Variants in SCIN observed in about 807,000 individuals in gnomAD.
The protein encoded by SCIN is scinderin.
Under a neutral mutation model 91.8 loss-of-function variants are expected in SCIN, and 91 were observed. The ratio of observed to expected loss-of-function variants is 0.99; its 90% CI spans 0.84 to 1.18. The LOEUF (loss-of-function observed/expected upper bound fraction) is 1.18. SCIN is among the 50% of genes most tolerant of loss of function. The pLI, the probability that SCIN is intolerant of heterozygous loss-of-function variation, is 0.00. For synonymous variants in SCIN, 367 were observed against 312.6 expected (o/e 1.17, Z -1.84); for missense variants, 1,087 against 863.9 (o/e 1.26, Z -3.24).
intron 15 of SCIN, 67 bp from the exon 16 acceptor site, chr7:12,652,521 T>C: frequency 7.1e-7 from 1 of 1,414,544 alleles, no homozygotes; most frequent in Non-Finnish European, 9.7e-7. Flanking sequence ...CGAAGAATTT[T>C]CAATCTGCAG....
At chr7:12,645,797 A>G (rs1232914923) in intron 13 of SCIN, among the ~76,000 whole-genome samples, 2 of 152,220 alleles carry the variant, frequency 1.3e-5, no homozygotes, top group East Asian at 3.8e-4. Flanking sequence ...GATATAATTA[A>G]TGTGAAAGCA....
rs1248760200 is a variant in SCIN, at chr7:12,653,395, T to C, written c.*680T>C. 1.3e-5 allele frequency: 2 copies of C among 152,226 alleles called. No individual in the cohort carries two copies. Among genetic ancestry groups the C allele is most frequent in the African/African-American group, 2.4e-5 (1 of 41,458 alleles). 9.4% of individuals were successfully genotyped at this position (152,226 alleles called of 1,614,324 possible). ...TTTTAACATGCCAGAGAAAAAGTTG[T>C]AATGCCTTGGAAGTTATTCTCTTTT... On this transcript the variant is annotated 3_prime_UTR_variant, in exon 16 of 16. Transcript: ENST00000297029. The surrounding 1 kb of genome is among the most constrained non-coding windows in gnomAD (Gnocchi z 4.1).
chr7:12,614,665 G>A (rs530172624), intron 4 of SCIN, among the ~76,000 whole-genome samples: 39 of 152,258 alleles, frequency 2.6e-4, no homozygotes, highest in African/African-American at 9.1e-4. Context: ...AGGCTGAGTG[G>A]TTGCTGGGTC....
At chr7:12,628,983 A>G in intron 8 of SCIN, 118 bp from the exon 9 acceptor site, 4 of 856,504 alleles carry the variant, frequency 4.7e-6, no homozygotes, top group South Asian at 2.1e-5. Context: ...AAACTAGTTA[A>G]TAAATAATTT....
chr7:12,571,156 A>T, intron 1 of SCIN, 171 bp downstream of exon 1: 2 of 698,604 alleles, frequency 2.9e-6, no homozygotes, highest in Non-Finnish European at 4.6e-6. Context: ...ACCGAAGTCA[A>T]CTCGCCGGCT....
In SCIN at chr7:12,571,243, A is replaced by T. The variant is rs1782263982; in HGVS notation, c.199+258A>T. ...GACCTTTGCCAGGTGTAGTTCCTGG[A>T]CTTTGGAGCTGGTGACTGGCTTCTT... On this transcript the variant is annotated intron_variant, in intron 1 of 15. Transcript: ENST00000297029. 5 of 521,910 alleles carry T rather than the reference A, an allele frequency of 9.6e-6. No individual in the cohort carries two copies. In the South Asian group the frequency reaches 1.3e-4, roughly 14 times the overall value. 32.3% of individuals were successfully genotyped at this position (521,910 alleles called of 1,614,324 possible).
At chr7:12,635,979 A>G in intron 9 of SCIN, 66 bp from the exon 10 acceptor site, 1 of 1,113,038 alleles carries the variant, frequency 9.0e-7, no homozygotes, top group Non-Finnish European at 1.3e-6. Context: ...CTCTGCTTGC[A>G]ATGCCTACAT....
At chr7:12,572,838 C>A (rs946441944) in intron 1 of SCIN, among the ~76,000 whole-genome samples, 4 of 152,022 alleles carry the variant, frequency 2.6e-5, no homozygotes, top group African/African-American at 9.7e-5. Context: ...TTCAATATGG[C>A]CAGTACTGTA....
At chr7:12,604,487 G>T in intron 3 of SCIN, 27 bp from the exon 4 acceptor site, 1 of 1,548,384 alleles carries the variant, frequency 6.5e-7, no homozygotes, top group Non-Finnish European at 8.7e-7. Flanking sequence ...TATTCTTAGG[G>T]TCAACAGATC....
At chr7:12,649,068 A>C (rs1180399) in intron 13 of SCIN, among the ~76,000 whole-genome samples, 152,208 of 152,228 alleles carry the variant, frequency 1, 76,094 homozygotes, top group Non-Finnish European at 1. Context: ...GAGTGGTGAT[A>C]TGAGGGGGGT....
At chr7:12,624,985 ATG>A in intron 5 of SCIN, 23 bp from the exon 6 acceptor site, 1 of 1,548,240 alleles carries the variant, frequency 6.5e-7, no homozygotes, top group Non-Finnish European at 8.7e-7. Flanking sequence ...AAATGAAAAC[ATG>A]GAGGTCATGG....
intron 4 of SCIN, 50 bp downstream of exon 4, chr7:12,604,713 G>A (rs1783036258): frequency 7.1e-7 from 1 of 1,408,242 alleles, no homozygotes; most frequent in Non-Finnish European, 9.4e-7. Context: ...CAACTCGTAT[G>A]TGTCTGTGTG....
chr7:12,652,754 G>A lies in SCIN; in HGVS notation c.*39G>A, dbSNP rs1784108363. Reference sequence around the variant, plus strand: ...AAAAGCAAACAAACATTACAAGGCAGTTATCTCATTGCTGTTTTGGGAGAG... The same window carrying A: ...AAAAGCAAACAAACATTACAAGGCAATTATCTCATTGCTGTTTTGGGAGAG... On this transcript the variant is annotated 3_prime_UTR_variant, in exon 16 of 16. Transcript: ENST00000297029. 6.3e-7 allele frequency: 1 copy of A among 1,577,670 alleles called. No homozygotes were observed. The highest frequency in any genetic ancestry group is 8.6e-7 in the Non-Finnish European group (1 of 1,169,274).
intron 3 of SCIN, chr7:12,589,655 G>A (rs1159380839): frequency 1.3e-5 from 2 of 152,330 alleles, no homozygotes; most frequent in East Asian, 3.9e-4. Context: ...AACCTCGATG[G>A]TTTTGAAGTG....
chr7:12,654,123 G>C lies in SCIN; in HGVS notation c.*1408G>C, dbSNP rs181913391. ...AGCTCAGAATTGTTGGGCCCTAAAG[G>C]ATGAACAATGTAGGGTCCAACAATT... On this transcript the variant is annotated 3_prime_UTR_variant, in exon 16 of 16. Coordinates refer to ENST00000297029, the MANE Select transcript of SCIN (RefSeq NM_001112706.3). 9.2e-5 allele frequency: 14 copies of C among 152,204 alleles called. No individual in the cohort carries two copies. The East Asian group carries it at 2.7e-3, about 29-fold the overall frequency. The allele number at this position is 152,204 out of a possible 1,614,324, so 9.4% of individuals were successfully genotyped here.
chr7:12,599,838 T>C (rs1241256878), intron 3 of SCIN, among the ~76,000 whole-genome samples: 4 of 152,210 alleles, frequency 2.6e-5, no homozygotes, highest in Non-Finnish European at 5.9e-5. Context: ...TGTCTGTTCA[T>C]GTCCTTAGCC....
Position 12,652,885 on chromosome 7 carries a change from C to G in SCIN, c.*170C>G. On this transcript the variant is annotated 3_prime_UTR_variant, in exon 16 of 16. Transcript: ENST00000297029. ...TTGAGAGGATGAGGTAGGCGGATCA[C>G]TGGGGTCAGGATTTCGAGACCAGCC... 1.4e-6 allele frequency: 1 copy of G among 715,182 alleles called. No individual in the cohort carries two copies. The highest frequency in any genetic ancestry group is 1.9e-5 in the South Asian group (1 of 51,790). The allele number at this position is 715,182 out of a possible 1,614,324, so 44.3% of individuals were successfully genotyped here.
intron 3 of SCIN, among the ~76,000 whole-genome samples, chr7:12,593,280 C>T (rs1289341303): frequency 1.3e-5 from 2 of 152,138 alleles, no homozygotes; most frequent in African/African-American, 2.4e-5. Context: ...GTATTTAGCA[C>T]GATCTCTTTG....
rs886259062 is a variant in SCIN, at chr7:12,654,529, A to C, written c.*1814A>C. ...TTTCTAGGAATGTAATTGAGTGAAAAATAATTTTTAAAAATATTTATAAAT... is the reference window on the plus strand; with the variant it reads ...TTTCTAGGAATGTAATTGAGTGAAACATAATTTTTAAAAATATTTATAAAT... On this transcript the variant is annotated 3_prime_UTR_variant, in exon 16 of 16. Transcript: ENST00000297029. 6.6e-6 allele frequency: 1 copy of C among 152,220 alleles called. No homozygotes were observed. The highest frequency in any genetic ancestry group is 2.4e-5 in the African/African-American group (1 of 41,470). The allele number at this position is 152,220 out of a possible 1,614,324, so 9.4% of individuals were successfully genotyped here.
Sources: gnomAD v4.1 joint callset for allele counts (sites outside exome capture counted in the v4.1 genomes callset) on GRCh38, gnomAD v4.1.1 for gene constraint, Gnocchi (gnomAD v3.1) non-coding constraint, MANE v1.5 for transcripts, NCBI Gene and HGNC (gene_info 2026-07-23, HGNC 2026-07-21) for gene names.